Variants in ERI1 observed in about 807,000 individuals in gnomAD.
ERI1 encodes 3'-5' exoribonuclease 1.
In ERI1, 39 loss-of-function variants were observed where a neutral mutation model predicts 39.7. The ratio of observed to expected loss-of-function variants is 0.98; its 90% CI spans 0.76 to 1.28. The LOEUF (loss-of-function observed/expected upper bound fraction) is 1.28, where lower values mean the gene tolerates loss of function less well. Among genes scored for constraint, ERI1 ranks in the 50% most tolerant of loss-of-function variants. The pLI is 0.00. For missense variants in ERI1, 581 were observed against 416.9 expected, an observed-to-expected ratio of 1.39 and a Z score of -3.43; for synonymous variants, 204 against 149.6, an observed-to-expected ratio of 1.36 and a Z score of -2.65.
chr8:9,063,876 T>G (rs1798782541), intron 3 of ERI1, among the ~76,000 whole-genome samples: 1 of 152,034 alleles, frequency 6.6e-6, no homozygotes, highest in African/African-American at 2.4e-5. Flanking sequence ...TGAAGAGGTT[T>G]TAAGTTCTTG....
At chr8:9,089,295 G>C (rs1332901415) in intron 3 of ERI1, among the ~76,000 whole-genome samples, 1 of 152,064 alleles carries the variant, frequency 6.6e-6, no homozygotes, top group South Asian at 2.1e-4. Flanking sequence ...AATAGAGATG[G>C]GGTCTTGCTG....
At chr8:9,055,311 G>A (rs1226498020) in intron 3 of ERI1, among the ~76,000 whole-genome samples, 1 of 152,220 alleles carries the variant, frequency 6.6e-6, no homozygotes, top group African/African-American at 2.4e-5. Flanking sequence ...ACTCCATTGA[G>A]GTTATAGTTC....
chr8:9,059,019 A>AGGG, intron 3 of ERI1, among the ~76,000 whole-genome samples: 1 of 152,200 alleles, frequency 6.6e-6, no homozygotes, highest in East Asian at 1.9e-4. Flanking sequence ...GAGTCAGCGA[A>AGGG]GGGAGATAGG....
chr8:9,017,415 T>A (rs1285306447), intron 4 of ERI1, among the ~76,000 whole-genome samples: 1 of 152,208 alleles, frequency 6.6e-6, no homozygotes, highest in Admixed American at 6.5e-5. Flanking sequence ...AGTTAGTTCA[T>A]TCATTCACTC....
At chr8:9,040,362 T>C (rs1797976577) in intron 3 of ERI1, among the ~76,000 whole-genome samples, 1 of 152,222 alleles carries the variant, frequency 6.6e-6, no homozygotes, top group East Asian at 1.9e-4. Flanking sequence ...GGCCTTAAGC[T>C]GACTTGAGAC....
In ERI1 at chr8:9,051,657, CA is replaced by C. The variant is rs11439065; in HGVS notation, n.299+31206del. Reference sequence around the variant, plus strand: ...GGGTGACAGCGCTGAGACCCTGTCTCAAAAAAAAAAAAAGAAGCACGACTAA... The same window carrying C: ...GGGTGACAGCGCTGAGACCCTGTCTCAAAAAAAAAAAAGAAGCACGACTAA... On this transcript the variant is annotated intron_variant and non_coding_transcript_variant, in intron 3 of 3. Coordinates refer to the ERI1 transcript ENST00000518663. Among the ~76,000 whole-genome samples, 1,179 of 140,920 alleles carry C rather than the reference CA, an allele frequency of 8.4e-3. 11 individuals are homozygous for C. Among genetic ancestry groups the C allele is most frequent in the African/African-American group, 0.024 (917 of 38,460 alleles). 92.4% of individuals were successfully genotyped at this position (140,920 alleles called of 152,430 possible). A position where few individuals can be genotyped will look rare whatever the true frequency, so the allele number is the denominator to read the frequency against.
intron 3 of ERI1, among the ~76,000 whole-genome samples, chr8:9,064,366 G>A (rs554552273): frequency 2.6e-4 from 40 of 152,226 alleles, no homozygotes; most frequent in African/African-American, 8.7e-4. Context: ...AAAGGCAGGC[G>A]TCCTTGAGTG....
intron 3 of ERI1, among the ~76,000 whole-genome samples, chr8:9,056,103 A>G (rs1421953021): frequency 6.6e-6 from 1 of 152,166 alleles, no homozygotes; most frequent in Admixed American, 6.5e-5. Context: ...CAGGGTGCCT[A>G]TGTGCTATGG....
At chr8:9,014,398 A>G (rs1208611540) in intron 3 of ERI1, among the ~76,000 whole-genome samples, 2 of 152,026 alleles carry the variant, frequency 1.3e-5, no homozygotes, top group Middle Eastern at 3.2e-3. Context: ...GCCTGTGCCC[A>G]TGTTTCTGAC....
intron 1 of ERI1, chr8:9,004,166 G>T (rs761188228): frequency 7.8e-7 from 1 of 1,288,726 alleles, no homozygotes; most frequent in Non-Finnish European, 1.0e-6. Context: ...ACTTCCTTTG[G>T]ATCCTTGCAA....
intron 3 of ERI1, among the ~76,000 whole-genome samples, chr8:9,078,147 G>A (rs912126201): frequency 2.0e-5 from 3 of 151,928 alleles, no homozygotes; most frequent in Admixed American, 6.6e-5. Flanking sequence ...GCGCCACCAC[G>A]CCTGGCTAAT....
chr8:9,025,916 C>G (rs1013558474), intron 6 of ERI1, among the ~76,000 whole-genome samples: 1 of 151,862 alleles, frequency 6.6e-6, no homozygotes, highest in Admixed American at 6.6e-5. Flanking sequence ...ATACACAGAG[C>G]CTGAAGTTAA....
At chr8:9,013,082 C>T (rs576781359) in intron 3 of ERI1, among the ~76,000 whole-genome samples, 1 of 151,814 alleles carries the variant, frequency 6.6e-6, no homozygotes, top group African/African-American at 2.4e-5. Context: ...TGGTGCAAAC[C>T]CAGCTGACTG....
At chr8:9,039,080 C>T (rs574971914) in intron 3 of ERI1, among the ~76,000 whole-genome samples, 2 of 152,134 alleles carry the variant, frequency 1.3e-5, no homozygotes, top group Non-Finnish European at 1.5e-5. Context: ...AGAATTTACT[C>T]GTTCTTATAT....
At chr8:9,059,356 T>A (rs994827968) in intron 3 of ERI1, among the ~76,000 whole-genome samples, 5 of 151,854 alleles carry the variant, frequency 3.3e-5, no homozygotes, top group African/African-American at 9.7e-5. Context: ...AATGAAATAG[T>A]GGTAAAGTGT....
intron 3 of ERI1, chr8:9,062,843 G>A (rs1374159130): frequency 1.3e-5 from 2 of 152,110 alleles, no homozygotes; most frequent in East Asian, 2.0e-4. Context: ...TGGCTTAGGA[G>A]GAATCCCGGG....
At chr8:9,054,292 T>C (rs905903894) in intron 3 of ERI1, among the ~76,000 whole-genome samples, 26 of 152,238 alleles carry the variant, frequency 1.7e-4, no homozygotes, top group Admixed American at 5.2e-4. Context: ...ACATCAGTTA[T>C]GTACCCACTT....
rs113984907 is a variant in ERI1 at position 9,074,571 on chromosome 8, A to G, written n.300-41777A>G. On this transcript the variant is annotated intron_variant and non_coding_transcript_variant, in intron 3 of 3. Transcript: ENST00000518663. ...ATTCTCTGGCCTCAGTCTCCTGAGT[A>G]GCTGAGACTACAGGTATATACTATT... Among the ~76,000 whole-genome samples, 322 of 152,182 alleles carry G rather than the reference A, an allele frequency of 2.1e-3. 1 individual carries two copies. The highest frequency in any genetic ancestry group is 7.3e-3 in the African/African-American group (303 of 41,502).
chr8:9,021,910 A>C (rs1817950488), intron 6 of ERI1, among the ~76,000 whole-genome samples: 1 of 150,672 alleles, frequency 6.6e-6, no homozygotes, highest in African/African-American at 2.4e-5. Context: ...TTGGCTGGCC[A>C]TTTGGATTGT....
Sources: gnomAD v4.1 joint callset for allele counts (sites outside exome capture counted in the v4.1 genomes callset) on GRCh38, gnomAD v4.1.1 for gene constraint, MANE v1.5 for transcripts, NCBI Gene and HGNC (gene_info 2026-07-23, HGNC 2026-07-21) for gene names.